The following METTL24 variants were observed in gnomAD, a reference collection of about 807,000 sequenced individuals.
METTL24 encodes methyltransferase like 24.
Under a neutral mutation model 32.7 loss-of-function variants are expected in METTL24, and 29 were observed. That is an observed-to-expected ratio of 0.89 (90% CI 0.66 to 1.21). METTL24 has a LOEUF of 1.21. Ranked by LOEUF, METTL24 falls within the 50% of genes most tolerant of loss-of-function variation. The probability of loss-of-function intolerance (pLI) is 0.00; values close to 1 mark genes in which losing one functional copy is unlikely to be tolerated. For missense variants in METTL24, 439 were observed against 468.1 expected, an observed-to-expected ratio of 0.94 and a Z score of 0.57; for synonymous variants, 163 against 179.5, an observed-to-expected ratio of 0.91 and a Z score of 0.73.
intron 1 of METTL24, among the ~76,000 whole-genome samples, chr6:110,351,890 G>A (rs1582448755): frequency 6.6e-6 from 1 of 152,362 alleles, no homozygotes; most frequent in Admixed American, 6.5e-5. Context: ...CCACATGGCA[G>A]TCATTAACTC....
intron 4 of METTL24, among the ~76,000 whole-genome samples, chr6:110,266,432 G>T (rs1369669257): frequency 2.6e-5 from 4 of 152,214 alleles, no homozygotes; most frequent in South Asian, 2.1e-4. Flanking sequence ...CCACCTAAAC[G>T]TCTACTGTTC....
rs191901786 is a variant in METTL24, at chr6:110,294,673, C to A, written c.786+4249G>T. Among the ~76,000 whole-genome samples, 1,085 of 152,076 alleles carry A rather than the reference C, an allele frequency of 7.1e-3. 3 individuals are homozygous for A. Among genetic ancestry groups the A allele is most frequent in the Non-Finnish European group, 0.011 (757 of 67,956 alleles). On this transcript the variant is annotated intron_variant, in intron 4 of 4. Coordinates refer to ENST00000338882, the MANE Select transcript of METTL24 (RefSeq NM_001123364.3). ...ACTGCTCTTATAAGCTATACATAAA[C>A]TAAAACTATATCAAAATAATGGAAA...
chr6:110,278,705 T>C (rs567920073), intron 4 of METTL24, among the ~76,000 whole-genome samples: 1 of 152,122 alleles, frequency 6.6e-6, no homozygotes, highest in African/African-American at 2.4e-5. Flanking sequence ...AGAGAACAGA[T>C]TCATATAGGA....
intron 1 of METTL24, among the ~76,000 whole-genome samples, chr6:110,341,518 T>G (rs1172302213): frequency 6.6e-6 from 1 of 152,218 alleles, no homozygotes; most frequent in African/African-American, 2.4e-5. Flanking sequence ...AGTTCAAATT[T>G]TTTTTAAGAA....
At chr6:110,295,013 C>CTTTTTTTTTTTTTTTT (rs1195740747) in intron 4 of METTL24, among the ~76,000 whole-genome samples, 36 of 78,122 alleles carry the variant, frequency 4.6e-4, no homozygotes, top group Non-Finnish European at 5.5e-4. Flanking sequence ...TTCTTTCTTT[C>CTTTTTTTTTTTTTTTT]TTTTTTTTTT....
chr6:110,251,294 AC>A (rs1481585762), intron 4 of METTL24, among the ~76,000 whole-genome samples: 1 of 152,224 alleles, frequency 6.6e-6, no homozygotes, highest in African/African-American at 2.4e-5. Flanking sequence ...GTGGACTGGA[AC>A]TTTTACTGGA....
intron 2 of METTL24, among the ~76,000 whole-genome samples, chr6:110,322,489 T>C (rs576206774): frequency 1.3e-5 from 2 of 152,214 alleles, no homozygotes; most frequent in Non-Finnish European, 2.9e-5. Flanking sequence ...CAAATGGTTT[T>C]CCAAAGCAAT....
chr6:110,353,518 A>G (rs1239408449), intron 1 of METTL24, among the ~76,000 whole-genome samples: 1 of 143,040 alleles, frequency 7.0e-6, no homozygotes, highest in East Asian at 2.1e-4. Flanking sequence ...ATTTTGCCAT[A>G]TGGTTTTTCA....
chr6:110,308,114 T>C (rs961210841), intron 3 of METTL24, among the ~76,000 whole-genome samples: 1 of 152,198 alleles, frequency 6.6e-6, no homozygotes, highest in African/African-American at 2.4e-5. Flanking sequence ...TTGTGTGGAC[T>C]GTGCACTGAA....
intron 4 of METTL24, among the ~76,000 whole-genome samples, chr6:110,267,392 A>G (rs928805014): frequency 2.0e-5 from 3 of 152,250 alleles, no homozygotes; most frequent in Admixed American, 6.5e-5. Context: ...ACCAGTACCT[A>G]TTACTTATAT....
chr6:110,245,778 G>T lies in METTL24; in HGVS notation c.*168C>A. On this transcript the variant is annotated 3_prime_UTR_variant, in exon 5 of 5. Transcript: ENST00000338882. ...TTTATCCCTTTAACAAGTATTGACT[G>T]TGCCCCATCACATGCCAAGCACTAG... 1 of 639,210 alleles carries T rather than the reference G, an allele frequency of 1.6e-6. No individual in the cohort carries two copies. Among genetic ancestry groups the T allele is most frequent in the Non-Finnish European group, 2.7e-6 (1 of 365,650 alleles). 39.6% of individuals were successfully genotyped at this position (639,210 alleles called of 1,614,324 possible). A position where few individuals can be genotyped will look rare whatever the true frequency, so the allele number is the denominator to read the frequency against.
rs1160459368 is a variant in METTL24, at chr6:110,317,487, C to G, written c.418-2006G>C. On this transcript the variant is annotated intron_variant, in intron 2 of 4. Coordinates refer to ENST00000338882, the MANE Select transcript of METTL24 (RefSeq NM_001123364.3). ...GATTACTGTGTCTTAAACATGGGCA[C>G]CTTCCTGAGCTCCACCTCCAGTGGG... 2.0e-5 allele frequency among the ~76,000 whole-genome samples: 3 copies of G among 152,212 alleles called. No homozygotes were observed. The East Asian group carries it at 5.8e-4, about 29-fold the overall frequency.
At chr6:110,279,235 T>G (rs1771097479) in intron 4 of METTL24, among the ~76,000 whole-genome samples, 1 of 152,200 alleles carries the variant, frequency 6.6e-6, no homozygotes, top group Admixed American at 6.5e-5. Context: ...AATTGCTATC[T>G]CAAAAATTTC....
intron 1 of METTL24, among the ~76,000 whole-genome samples, chr6:110,350,200 C>T (rs913979254): frequency 6.6e-6 from 1 of 152,172 alleles, no homozygotes; most frequent in African/African-American, 2.4e-5. Flanking sequence ...AAAGGTGTGA[C>T]CAAAAAGAAT....
rs1042603798 is a variant in METTL24 at position 110,358,093 on chromosome 6, G to C, written c.180C>G (p.Pro60=). 2 of 1,002,238 alleles carry C rather than the reference G, an allele frequency of 2.0e-6. No individual in the cohort carries two copies. The highest frequency in any genetic ancestry group is 4.5e-5 in the South Asian group (1 of 22,218). The allele number at this position is 1,002,238 out of a possible 1,614,324, so 62.1% of individuals were successfully genotyped here. A position where few individuals can be genotyped will look rare whatever the true frequency, so the allele number is the denominator to read the frequency against. ...TGGCGCCGCGCGGCTGGCCCGGCGC[G>C]GGCGGCAGGTGCGGCCCAGGTGGCC... ...AWRPPGPHLP[P]APGQPRGASR... The change falls in exon 1 of 5, where the codon CCC becomes CCG. Residue 60 remains proline (P), a synonymous_variant. Coordinates refer to ENST00000338882, the MANE Select transcript of METTL24 (RefSeq NM_001123364.3).
rs1014404333 is a variant in METTL24, at chr6:110,245,016, T to TCTAC, written c.*926_*929dup. 1.4e-5 allele frequency among the ~76,000 whole-genome samples: 2 copies of TCTAC among 144,248 alleles called. No homozygotes were observed. The highest frequency in any genetic ancestry group is 3.0e-5 in the Non-Finnish European group (2 of 66,364). The allele number at this position is 144,248 out of a possible 152,430, so 94.6% of individuals were successfully genotyped here. A position where few individuals can be genotyped will look rare whatever the true frequency, so the allele number is the denominator to read the frequency against. The stretch of plus-strand genomic sequence containing the variant: ...TATCTATCTATCATCTATCTATTTA[T>TCTAC]CTACCTACCTACCTACAATGGTTAA... On this transcript the variant is annotated 3_prime_UTR_variant, in exon 5 of 5. Transcript: ENST00000338882.
At chr6:110,339,047 G>A (rs1772296575) in intron 1 of METTL24, among the ~76,000 whole-genome samples, 1 of 152,196 alleles carries the variant, frequency 6.6e-6, no homozygotes, top group South Asian at 2.1e-4. Context: ...GGATAGTGAT[G>A]TTGTGCAGAT....
chr6:110,307,593 A>G (rs1771647762), intron 3 of METTL24, among the ~76,000 whole-genome samples: 1 of 152,182 alleles, frequency 6.6e-6, no homozygotes, highest in Non-Finnish European at 1.5e-5. Context: ...AGTTGCACAC[A>G]TCACTTCCAT....
At chr6:110,253,925 G>T in intron 4 of METTL24, 1 of 1,468,306 alleles carries the variant, frequency 6.8e-7, no homozygotes, top group Non-Finnish European at 9.1e-7. Context: ...GGTGACTGCA[G>T]GTCCCCAGGA....
Sources: gnomAD v4.1 joint callset for allele counts (sites outside exome capture counted in the v4.1 genomes callset) on GRCh38, gnomAD v4.1.1 for gene constraint, MANE v1.5 for transcripts, NCBI Gene and HGNC (gene_info 2026-07-23, HGNC 2026-07-21) for gene names.